The following NSUN4 variants were observed in gnomAD, a reference collection of about 807,000 sequenced individuals.
NSUN4 encodes the protein 5-cytosine rRNA methyltransferase NSUN4.
In NSUN4, 31 loss-of-function variants were observed where a neutral mutation model predicts 43.8. The observed-to-expected ratio is 0.71, with a 90% confidence interval of 0.53 to 0.96. NSUN4 has a LOEUF of 0.96. Ranked by LOEUF, NSUN4 falls within the 40% of genes least tolerant of loss-of-function variation. The probability of loss-of-function intolerance (pLI) is 0.00; values close to 1 mark genes in which losing one functional copy is unlikely to be tolerated. For missense variants in NSUN4, 439 were observed against 475.6 expected, an observed-to-expected ratio of 0.92 and a Z score of 0.72; for synonymous variants, 167 against 184.1, an observed-to-expected ratio of 0.91 and a Z score of 0.75.
the NSUN4 span, chr1:46,370,964 C>G: frequency 6.6e-6 from 1 of 152,522 alleles, no homozygotes; most frequent in South Asian, 2.1e-4. Flanking sequence ...AAGCATTAGT[C>G]ATGCCTCAAA....
chr1:46,353,029 G>A lies in NSUN4; in HGVS notation c.753+1G>A, dbSNP rs767797120. On this transcript the variant is annotated splice_donor_variant, in intron 4 of 5. Transcript: ENST00000474844. LOFTEE classifies it high-confidence loss of function. ...ACTGGAGGGGGACACCTATGACCGGGTGAGTGATTCTTGATTTAGGACATG... is the reference window on the plus strand; with the variant it reads ...ACTGGAGGGGGACACCTATGACCGGATGAGTGATTCTTGATTTAGGACATG... 3 of 1,613,838 alleles carry A rather than the reference G, an allele frequency of 1.9e-6. No homozygotes were observed. Among genetic ancestry groups the A allele is most frequent in the African/African-American group, 2.7e-5 (2 of 74,924 alleles).
chr1:46,354,095 A>T (rs1412053927), intron 4 of NSUN4, among the ~76,000 whole-genome samples: 1 of 148,722 alleles, frequency 6.7e-6, no homozygotes, highest in Non-Finnish European at 1.5e-5. Context: ...AAATCTCCAT[A>T]TTAATTTTTT....
intron 4 of NSUN4, among the ~76,000 whole-genome samples, chr1:46,358,471 G>A (rs187255631): frequency 1.4e-5 from 2 of 140,310 alleles, no homozygotes; most frequent in East Asian, 2.1e-4. Context: ...GTACGATCTC[G>A]GCTCACTGCA....
intron 1 of NSUN4, chr1:46,341,187 A>T: frequency 8.1e-7 from 1 of 1,227,996 alleles, no homozygotes; most frequent in Non-Finnish European, 1.0e-6. Context: ...TAGTGATGTC[A>T]CTGTCTCTTG....
At chr1:46,342,020 T>A in intron 1 of NSUN4, 1 of 1,174,262 alleles carries the variant, frequency 8.5e-7, no homozygotes, top group Non-Finnish European at 1.1e-6. Flanking sequence ...CCTTGGAAAC[T>A]GGACCCATGA....
chr1:46,346,917 C>T lies in NSUN4; in HGVS notation c.438-4C>T, dbSNP rs748471855. Reference sequence around the variant, plus strand: ...TAACAATAAAGTGGTCTCCTCTTTTCCAGACCTGGCAGCCTGGGTGTCATG... The same window carrying T: ...TAACAATAAAGTGGTCTCCTCTTTTTCAGACCTGGCAGCCTGGGTGTCATG... On this transcript the variant is annotated splice_polypyrimidine_tract_variant and splice_region_variant and intron_variant, in intron 2 of 5. Coordinates refer to ENST00000474844, the MANE Select transcript of NSUN4 (RefSeq NM_199044.4). The T allele has an allele frequency of 2.9e-5, 47 of 1,612,008 alleles. No homozygotes were observed. Among genetic ancestry groups the T allele is most frequent in the African/African-American group, 4.0e-5 (3 of 74,900 alleles).
chr1:46,344,932 A>G lies in NSUN4; in HGVS notation c.225A>G (p.Ala75=). The part of the protein sequence containing the change: ...VSLLSEQKYG[A]LVNNFAAWDH... ...TCCTCTCAGAGCAGAAGTATGGTGC[A>G]CTGGTCAATAACTTTGCTGCCTGGG... is the stretch of plus-strand genomic sequence containing the variant. The change falls in exon 2 of 6, where the codon GCA becomes GCG. Residue 75 remains alanine, a synonymous_variant. Coordinates refer to ENST00000474844, the MANE Select transcript of NSUN4 (RefSeq NM_199044.4). 2 of 1,614,216 alleles carry G rather than the reference A, an allele frequency of 1.2e-6. No homozygotes were observed. Among genetic ancestry groups the G allele is most frequent in the Non-Finnish European group, 1.7e-6 (2 of 1,180,028 alleles).
downstream of NSUN4, among the ~76,000 whole-genome samples, chr1:46,369,728 C>T (rs1664207433): frequency 6.6e-6 from 1 of 151,976 alleles, no homozygotes; most frequent in South Asian, 2.1e-4. Flanking sequence ...CAGTATCCTG[C>T]AGTGTAAGGA....
At chr1:46,345,355 G>C (rs6659228) in intron 2 of NSUN4, 119,121 of 509,666 alleles carry the variant, frequency 0.23, 16,010 homozygotes, top group Non-Finnish European at 0.29. Flanking sequence ...TATTATTGCT[G>C]TTTTACATTT....
downstream of NSUN4, among the ~76,000 whole-genome samples, chr1:46,368,904 T>C (rs1045314544): frequency 1.3e-5 from 2 of 152,176 alleles, no homozygotes; most frequent in African/African-American, 4.8e-5. Flanking sequence ...AGATCCTTTG[T>C]TCTCTCTCCA....
At chr1:46,377,256 G>T in the NSUN4 span, among the ~76,000 whole-genome samples, 2 of 152,040 alleles carry the variant, frequency 1.3e-5, no homozygotes, top group South Asian at 4.1e-4. Context: ...CACCATGTTG[G>T]CCAGGCTGGT....
chr1:46,373,533 A>G, the NSUN4 span, among the ~76,000 whole-genome samples: 1 of 152,210 alleles, frequency 6.6e-6, no homozygotes, highest in East Asian at 1.9e-4. Context: ...GCAGAGTCCC[A>G]AGGTGGTACA....
intron 3 of NSUN4, among the ~76,000 whole-genome samples, chr1:46,348,514 A>T (rs1167303999): frequency 6.6e-6 from 1 of 151,964 alleles, no homozygotes; most frequent in East Asian, 2.0e-4. Context: ...GGAGTTCAAG[A>T]CAAGCCTGGC....
At chr1:46,344,696 C>T in intron 1 of NSUN4, 105 bp from the exon 2 acceptor site, 3 of 941,730 alleles carry the variant, frequency 3.2e-6, no homozygotes, top group Non-Finnish European at 5.0e-6. Context: ...CAGGAGTGGG[C>T]ACTAGCTGGA....
At chr1:46,356,856 T>C (rs1014951059) in intron 4 of NSUN4, among the ~76,000 whole-genome samples, 1 of 152,202 alleles carries the variant, frequency 6.6e-6, no homozygotes, top group South Asian at 2.1e-4. Flanking sequence ...GTCACAACTT[T>C]CTTTTTTATG....
intron 3 of NSUN4, among the ~76,000 whole-genome samples, chr1:46,347,978 C>T (rs1284746895): frequency 4.0e-5 from 6 of 151,658 alleles, no homozygotes; most frequent in African/African-American, 9.7e-5. Context: ...CCTGGGTTCA[C>T]GCCATTCTCC....
downstream of NSUN4, among the ~76,000 whole-genome samples, chr1:46,368,844 G>C (rs1159478163): frequency 6.6e-6 from 1 of 152,156 alleles, no homozygotes. Flanking sequence ...CTTGAAGCCA[G>C]AAGTTTGAGA....
Position 46,352,978 on chromosome 1 carries a change from T to TC in NSUN4, c.704dup (p.Trp236MetfsTer15). ...GGATGGAAATCAAGTTCGAGTTACC[T>TC]CATGGGATGGCAGGAAATGGGGAGA... On this transcript the variant is annotated frameshift_variant, in exon 4 of 6. Coordinates refer to ENST00000474844, the MANE Select transcript of NSUN4 (RefSeq NM_199044.4). LOFTEE classifies it high-confidence loss of function. The TC allele has an allele frequency of 6.2e-7, 1 of 1,614,154 alleles. No homozygotes were observed. The highest frequency in any genetic ancestry group is 8.5e-7 in the Non-Finnish European group (1 of 1,180,004).
intron 4 of NSUN4, among the ~76,000 whole-genome samples, chr1:46,353,508 C>A (rs1663153248): frequency 6.6e-6 from 1 of 151,680 alleles, no homozygotes; most frequent in Non-Finnish European, 1.5e-5. Context: ...CGGAGTTTCG[C>A]TTTTGTTGCC....
Sources: gnomAD v4.1 joint callset for allele counts (sites outside exome capture counted in the v4.1 genomes callset) on GRCh38, gnomAD v4.1.1 for gene constraint, MANE v1.5 for transcripts, NCBI Gene and HGNC (gene_info 2026-07-23, HGNC 2026-07-21) for gene names.